The following DDX42 variants were observed in gnomAD, a reference collection of about 807,000 sequenced individuals.
DDX42 encodes ATP-dependent RNA helicase DDX42.
In DDX42, 22 loss-of-function variants were observed where a neutral mutation model predicts 101.5. The ratio of observed to expected loss-of-function variants is 0.22; its 90% CI spans 0.15 to 0.31. The LOEUF (loss-of-function observed/expected upper bound fraction) is 0.31, where lower values mean the gene tolerates loss of function less well. Among genes scored for constraint, DDX42 ranks in the 10% least tolerant of loss-of-function variants. The pLI is 1.00. For missense variants in DDX42, 849 were observed against 1,199.9 expected (o/e 0.71, Z 4.32); for synonymous variants, 402 against 401.2 (o/e 1.00, Z -0.02).
chr17:63,800,652 C>G (rs1376230458), intron 6 of DDX42, 35 bp downstream of exon 6: 1 of 1,605,176 alleles, frequency 6.2e-7, no homozygotes, highest in Admixed American at 1.7e-5. Flanking sequence ...ACTCTTGTTT[C>G]AAGCTGATGC....
At position 63,806,518 on chromosome 17, in the gene DDX42, G is replaced by A; in HGVS notation, c.727-17G>A. ...GTTGAAGTACAAGTCATTCTGGGGA[G>A]TTGTCTCTATCTCTAGGTCTCTGGT... On this transcript the variant is annotated splice_polypyrimidine_tract_variant and intron_variant, in intron 7 of 17. Coordinates refer to ENST00000389924, the MANE Select transcript of DDX42 (RefSeq NM_203499.3). The A allele has an allele frequency of 3.1e-6, 5 of 1,605,010 alleles. No homozygotes were observed. The South Asian group carries it at 5.6e-5, about 18-fold the overall frequency.
chr17:63,807,341 G>A (rs1474612005), intron 8 of DDX42, among the ~76,000 whole-genome samples: 5 of 152,038 alleles, frequency 3.3e-5, no homozygotes, highest in African/African-American at 2.4e-5. Flanking sequence ...GGGTTTCACC[G>A]TGTTGCCCAG....
intron 1 of DDX42, among the ~76,000 whole-genome samples, chr17:63,782,959 C>G (rs1183023503): frequency 2.0e-5 from 3 of 152,096 alleles, no homozygotes; most frequent in Non-Finnish European, 4.4e-5. Flanking sequence ...CTACTGAACT[C>G]TAGCTGCACT....
rs762249081 is a variant in DDX42, at chr17:63,815,640, C to T, written c.1980C>T (p.Tyr660=). 4.3e-6 allele frequency: 7 copies of T among 1,613,822 alleles called. No homozygotes were observed. The African/African-American group carries it at 6.7e-5, about 15-fold the overall frequency. Residue 660 remains tyrosine (Y), a synonymous_variant, in exon 16 of 18, where the codon TAC becomes TAT. Coordinates refer to ENST00000389924, the MANE Select transcript of DDX42 (RefSeq NM_203499.3). ...KLNIGGGGLG[Y]RERPGLGSEN... is the part of the protein sequence containing the mutation. ...ACATTGGTGGAGGAGGCCTAGGCTACAGGGAGCGGCCTGGCCTGGGCTCTG... is the reference window on the plus strand; with the variant it reads ...ACATTGGTGGAGGAGGCCTAGGCTATAGGGAGCGGCCTGGCCTGGGCTCTG...
chr17:63,811,540 G>A (rs951099798), intron 13 of DDX42: 18 of 366,666 alleles, frequency 4.9e-5, no homozygotes, highest in East Asian at 1.6e-4. Flanking sequence ...AGGGGCCTAC[G>A]CAGGAGGGAA....
chr17:63,774,541 G>A (rs562832672), intron 1 of DDX42, 165 bp downstream of exon 1: 177 of 168,788 alleles, frequency 1.0e-3, no homozygotes, highest in Admixed American at 5.1e-3. Flanking sequence ...GGGAGTGGGG[G>A]CTGAGGCCTC....
At position 63,805,147 on chromosome 17, in the gene DDX42, T is replaced by C. The variant is rs770480476; in HGVS notation, c.698T>C (p.Ile233Thr). Residue 233 changes from isoleucine (I) to threonine (T), a missense_variant, in exon 7 of 18, where the codon ATA becomes ACA. This residue lies in a region of DDX42 where 370 missense variants were observed against 608.8 expected (regional missense o/e 0.61). Coordinates refer to ENST00000389924, the MANE Select transcript of DDX42 (RefSeq NM_203499.3). ...EITNLTPQQLIDLRHKLNLRV... is the reference protein window; with the variant it reads ...EITNLTPQQLTDLRHKLNLRV... ...ACCAACCTCACTCCACAGCAGTTAA[T>C]AGATCTCCGGCATAAGCTCAATCTT... is the stretch of plus-strand genomic sequence containing the variant. 1.9e-6 allele frequency: 3 copies of C among 1,613,206 alleles called. No homozygotes were observed. The highest frequency in any genetic ancestry group is 2.5e-6 in the Non-Finnish European group (3 of 1,179,800).
intron 3 of DDX42, among the ~76,000 whole-genome samples, chr17:63,794,923 GAGA>G (rs1567735656): frequency 1.4e-5 from 2 of 143,538 alleles, no homozygotes; most frequent in African/African-American, 2.6e-5. Context: ...GCAATAGAGT[GAGA>G]CTCCATCTTA....
chr17:63,798,564 A>C (rs2039721668), intron 4 of DDX42, among the ~76,000 whole-genome samples: 1 of 152,200 alleles, frequency 6.6e-6, no homozygotes, highest in Non-Finnish European at 1.5e-5. Context: ...ATTTTTTTCA[A>C]CCAACACAGG....
At chr17:63,817,023 A>G in intron 17 of DDX42, 57 bp downstream of exon 17, 2 of 1,475,670 alleles carry the variant, frequency 1.4e-6, no homozygotes, top group Non-Finnish European at 1.9e-6. Context: ...GGGCAGTGAC[A>G]GAGGGGCTTA....
chr17:63,794,150 C>T (rs2039664124), intron 3 of DDX42, among the ~76,000 whole-genome samples: 1 of 152,130 alleles, frequency 6.6e-6, no homozygotes, highest in Non-Finnish European at 1.5e-5. Context: ...AATTCTCTCC[C>T]TGCTTTAGGC....
chr17:63,780,336 A>G (rs1395930726), intron 1 of DDX42, among the ~76,000 whole-genome samples: 2 of 152,080 alleles, frequency 1.3e-5, no homozygotes, highest in African/African-American at 4.8e-5. Flanking sequence ...ACTGTTGTCA[A>G]GAGACTTAAG....
At chr17:63,813,608 A>G (rs2039939255) in intron 15 of DDX42, among the ~76,000 whole-genome samples, 154 bp downstream of exon 15, 1 of 152,188 alleles carries the variant, frequency 6.6e-6, no homozygotes, top group African/African-American at 2.4e-5. Flanking sequence ...TGAGATACTA[A>G]AATTCATCTA....
intron 1 of DDX42, among the ~76,000 whole-genome samples, chr17:63,778,684 A>G (rs1304624964): frequency 6.6e-6 from 1 of 151,828 alleles, no homozygotes; most frequent in African/African-American, 2.4e-5. Flanking sequence ...TCTGTTATCC[A>G]GGCTGGAGTG....
At chr17:63,775,454 C>T (rs572609407) in intron 1 of DDX42, among the ~76,000 whole-genome samples, 8 of 152,122 alleles carry the variant, frequency 5.3e-5, no homozygotes, top group African/African-American at 1.7e-4. Context: ...TGATCAGTAT[C>T]TTAGGGAAAA....
intron 1 of DDX42, 85 bp downstream of exon 1, chr17:63,774,461 A>G (rs1304925371): frequency 5.0e-6 from 1 of 201,028 alleles, no homozygotes; most frequent in East Asian, 1.1e-4. Flanking sequence ...GGGCGGAGGA[A>G]CCGCGGCCTC....
At chr17:63,782,309 T>A (rs535801276) in intron 1 of DDX42, among the ~76,000 whole-genome samples, 1 of 152,284 alleles carries the variant, frequency 6.6e-6, no homozygotes, top group Non-Finnish European at 1.5e-5. Context: ...TCTTACTTCT[T>A]TTCTCACTCT....
chr17:63,817,746 G>C lies in DDX42; in HGVS notation c.2165G>C (p.Gly722Ala). ...VAASLSNQKA[G>A]SSAAGASGWT... ...GCCAGTTTAAGTAATCAGAAGGCTG[G>C]AAGTTCTGCTGCTGGGGCAAGTGGG... Residue 722 changes from glycine to alanine, a missense_variant, in exon 18 of 18, where the codon GGA becomes GCA. Gly to Ala is a moderately conservative substitution (Grantham distance 60, BLOSUM62 0). This residue lies in a region of DDX42 where 300 missense variants were observed against 304.9 expected (regional missense o/e 0.98). Coordinates refer to ENST00000389924, the MANE Select transcript of DDX42 (RefSeq NM_203499.3). The C allele has an allele frequency of 6.2e-7, 1 of 1,614,214 alleles. No individual in the cohort carries two copies. Among genetic ancestry groups the C allele is most frequent in the Non-Finnish European group, 8.5e-7 (1 of 1,180,032 alleles).
chr17:63,798,908 C>G (rs1030080636), intron 4 of DDX42, among the ~76,000 whole-genome samples: 1 of 152,132 alleles, frequency 6.6e-6, no homozygotes, highest in Non-Finnish European at 1.5e-5. Context: ...GGTGGTGTTG[C>G]TTGCCGGTTG....
Sources: allele counts gnomAD v4.1 joint callset (sites outside exome capture counted in the v4.1 genomes callset), GRCh38; gene constraint gnomAD v4.1.1; regional missense constraint gnomAD v4.1.1; transcripts MANE v1.5; gene names NCBI Gene and HGNC (gene_info 2026-07-23, HGNC 2026-07-21).